The following BAZ2B variants were observed in gnomAD, a reference collection of about 807,000 sequenced individuals.
The protein encoded by BAZ2B is bromodomain adjacent to zinc finger domain protein 2B.
A neutral mutation model predicts 246.0 loss-of-function variants in BAZ2B; 91 were observed. The ratio of observed to expected loss-of-function variants is 0.37; its 90% CI spans 0.31 to 0.44. The LOEUF is 0.44. BAZ2B is among the 20% of genes least tolerant of loss of function. The pLI, the probability that BAZ2B is intolerant of heterozygous loss-of-function variation, is 1.00. For synonymous variants in BAZ2B, 855 were observed against 860.0 expected (o/e 0.99, Z 0.10); for missense variants, 2,332 against 2,533.7 (o/e 0.92, Z 1.71).
chr2:159,365,806 A>G (rs545090922), intron 27 of BAZ2B, among the ~76,000 whole-genome samples: 2 of 152,350 alleles, frequency 1.3e-5, no homozygotes, highest in South Asian at 4.1e-4. Context: ...GTCCTTAAAG[A>G]TAATGATGGA....
chr2:159,681,208 A>G, the BAZ2B span, among the ~76,000 whole-genome samples: 1 of 152,186 alleles, frequency 6.6e-6, no homozygotes, highest in Admixed American at 6.5e-5. Context: ...TTACCGTAAG[A>G]GAAAATCTTA....
At chr2:159,488,797 G>T (rs74740637) in intron 2 of BAZ2B, among the ~76,000 whole-genome samples, 1 of 152,048 alleles carries the variant, frequency 6.6e-6, no homozygotes, top group Non-Finnish European at 1.5e-5. Context: ...CTATTTTACA[G>T]AGGTAAAATC....
intron 1 of BAZ2B, among the ~76,000 whole-genome samples, chr2:159,561,514 C>T (rs2089869629): frequency 6.6e-6 from 1 of 152,184 alleles, no homozygotes; most frequent in East Asian, 1.9e-4. Context: ...ACAAAATAGA[C>T]TAAGACAGTA....
chr2:159,389,885 A>T (rs1329636058), intron 20 of BAZ2B, among the ~76,000 whole-genome samples: 1 of 152,144 alleles, frequency 6.6e-6, no homozygotes, highest in Non-Finnish European at 1.5e-5. Flanking sequence ...TGAATTAGCT[A>T]GTCTTAAGAC....
the BAZ2B span, among the ~76,000 whole-genome samples, chr2:159,672,583 T>C: frequency 6.6e-6 from 1 of 152,200 alleles, no homozygotes; most frequent in South Asian, 2.1e-4. Flanking sequence ...AGTGAAGGTT[T>C]TTCCAGGTAT....
chr2:159,596,567 G>A (rs1690765703), intron 1 of BAZ2B, among the ~76,000 whole-genome samples: 1 of 151,856 alleles, frequency 6.6e-6, no homozygotes, highest in Non-Finnish European at 1.5e-5. Flanking sequence ...TAGGGCATTG[G>A]GGAACAGGTG....
intron 2 of BAZ2B, among the ~76,000 whole-genome samples, chr2:159,543,086 A>G (rs2086855680): frequency 6.6e-6 from 1 of 152,182 alleles, no homozygotes; most frequent in South Asian, 2.1e-4. Flanking sequence ...GATGAAATAA[A>G]TTAAAGCTAT....
At chr2:159,349,394 C>T in intron 28 of BAZ2B, 114 bp from the exon 29 acceptor site, 2 of 1,131,124 alleles carry the variant, frequency 1.8e-6, no homozygotes, top group Non-Finnish European at 2.4e-6. Context: ...TCATTTATTA[C>T]AATTACAGGA....
At chr2:159,406,569 C>G (rs2065966872) in intron 14 of BAZ2B, among the ~76,000 whole-genome samples, 2 of 152,064 alleles carry the variant, frequency 1.3e-5, no homozygotes, top group African/African-American at 4.8e-5. Context: ...TAATATTACT[C>G]ATATAATCAT....
intron 3 of BAZ2B, among the ~76,000 whole-genome samples, chr2:159,456,334 C>T (rs1467532671): frequency 6.6e-6 from 1 of 151,862 alleles, no homozygotes; most frequent in East Asian, 1.9e-4. Context: ...TAGTAAGCAG[C>T]ATTCTTAGAT....
intron 2 of BAZ2B, among the ~76,000 whole-genome samples, chr2:159,513,289 C>T (rs922109436): frequency 6.6e-6 from 1 of 152,154 alleles, no homozygotes; most frequent in Non-Finnish European, 1.5e-5. Context: ...TTAGCTGTTA[C>T]TTTCATTAGT....
the BAZ2B span, among the ~76,000 whole-genome samples, chr2:159,674,336 GAA>G: frequency 7.6e-4 from 93 of 122,992 alleles, no homozygotes; most frequent in African/African-American, 8.9e-4. Flanking sequence ...CTCTGTCTCA[GAA>G]AAAAAAAAAA....
intron 1 of BAZ2B, among the ~76,000 whole-genome samples, chr2:159,606,308 C>T (rs1693480488): frequency 7.6e-6 from 1 of 132,310 alleles, no homozygotes; most frequent in Admixed American, 8.8e-5. Context: ...AGAGATTTGA[C>T]CCACAACTCT....
downstream of BAZ2B, among the ~76,000 whole-genome samples, chr2:159,318,768 A>G (rs174231): frequency 0.95 from 144,751 of 152,206 alleles, 69,282 homozygotes; most frequent in East Asian, 1. Flanking sequence ...GAAAGAAGAC[A>G]AGGTTCGGAG....
the BAZ2B span, among the ~76,000 whole-genome samples, chr2:159,646,126 T>A: frequency 3.3e-5 from 5 of 152,042 alleles, no homozygotes; most frequent in African/African-American, 1.2e-4. Context: ...ATCCCTACAG[T>A]TTTGACCATA....
intron 4 of BAZ2B, among the ~76,000 whole-genome samples, chr2:159,451,148 C>G (rs551123809): frequency 6.6e-6 from 1 of 152,002 alleles, no homozygotes; most frequent in East Asian, 1.9e-4. Flanking sequence ...GCCAAAAATA[C>G]TTCGCAAAAA....
intron 1 of BAZ2B, among the ~76,000 whole-genome samples, chr2:159,598,842 T>A (rs1333400493): frequency 6.6e-6 from 1 of 152,016 alleles, no homozygotes; most frequent in Non-Finnish European, 1.5e-5. Context: ...AGAGTGAGAC[T>A]CTGTCACAAA....
At position 159,404,935 on chromosome 2, in the gene BAZ2B, T is replaced by C. The variant is rs371108082; in HGVS notation, c.2771-25A>G. ...GCTACAAGAAACCAAAGGATAGATA[T>C]CATCAAAAAGGGAATGAAGAAAAGA... On this transcript the variant is annotated intron_variant, in intron 15 of 36. Coordinates refer to ENST00000392783, the MANE Select transcript of BAZ2B (RefSeq NM_013450.4). The C allele has an allele frequency of 7.4e-6, 12 of 1,612,398 alleles. No homozygotes were observed. The African/African-American group carries it at 1.1e-4, about 14-fold the overall frequency.
At chr2:159,704,923 T>C in the BAZ2B span, among the ~76,000 whole-genome samples, 1 of 152,032 alleles carries the variant, frequency 6.6e-6, no homozygotes, top group Non-Finnish European at 1.5e-5. Context: ...AGAATGGTCT[T>C]GATCTCCTGA....
Sources: gnomAD v4.1 joint callset for allele counts (sites outside exome capture counted in the v4.1 genomes callset) on GRCh38, gnomAD v4.1.1 for gene constraint, MANE v1.5 for transcripts, NCBI Gene and HGNC (gene_info 2026-07-23, HGNC 2026-07-21) for gene names.